The following ARL9 variants were observed in gnomAD, a reference collection of about 807,000 sequenced individuals.
The protein encoded by ARL9 is ADP-ribosylation factor-like protein 9.
In ARL9, 14 loss-of-function variants were observed where a neutral mutation model predicts 27.0. That is an observed-to-expected ratio of 0.52 (90% CI 0.34 to 0.81). The LOEUF is 0.81. ARL9 is among the 30% of genes least tolerant of loss of function. ARL9 has a pLI of 0.01. For synonymous variants in ARL9, 106 were observed against 108.7 expected, an observed-to-expected ratio of 0.98 and a Z score of 0.15; for missense variants, 294 against 290.0, an observed-to-expected ratio of 1.01 and a Z score of -0.10.
At chr4:56,516,567 G>C (rs561775557) in intron 2 of ARL9, among the ~76,000 whole-genome samples, 54 of 127,382 alleles carry the variant, frequency 4.2e-4, no homozygotes, top group Middle Eastern at 9.9e-3. Flanking sequence ...TGATCAGTAA[G>C]TAGAATTCAA....
At chr4:56,506,832 GTT>G (rs1553949221) in intron 1 of ARL9, among the ~76,000 whole-genome samples, 3 of 142,920 alleles carry the variant, frequency 2.1e-5, no homozygotes, top group Admixed American at 7.1e-5. Flanking sequence ...GTGTGTGTGT[GTT>G]CTTTTTTGAG....
chr4:56,519,450 A>G (rs1335420895), intron 3 of ARL9, among the ~76,000 whole-genome samples: 1 of 152,118 alleles, frequency 6.6e-6, no homozygotes, highest in Non-Finnish European at 1.5e-5. Context: ...TCTCTACTAA[A>G]ATACAAAAGA....
At chr4:56,516,024 TTGTCC>T (rs1435338661) in intron 2 of ARL9, among the ~76,000 whole-genome samples, 35 of 152,292 alleles carry the variant, frequency 2.3e-4, no homozygotes, top group Admixed American at 1.8e-3. Flanking sequence ...AAGGATGGAC[TTGTCC>T]TGTCAAGTAT....
chr4:56,511,790 C>T (rs780182560), intron 2 of ARL9, among the ~76,000 whole-genome samples: 1 of 152,164 alleles, frequency 6.6e-6, no homozygotes, highest in African/African-American at 2.4e-5. Context: ...ATATTACTGT[C>T]TCCTGAAGTT....
intron 2 of ARL9, among the ~76,000 whole-genome samples, chr4:56,512,706 G>C (rs949788942): frequency 6.6e-6 from 1 of 151,720 alleles, no homozygotes; most frequent in African/African-American, 2.4e-5. Flanking sequence ...TGCTCAGCTA[G>C]TTATTTTGTA....
intron 2 of ARL9, among the ~76,000 whole-genome samples, chr4:56,512,007 C>G (rs1303138437): frequency 1.3e-5 from 2 of 152,172 alleles, no homozygotes; most frequent in East Asian, 3.9e-4. Flanking sequence ...TGGTTCCATA[C>G]TCATCAAGTT....
intron 1 of ARL9, 55 bp downstream of exon 1, chr4:56,506,196 G>A: frequency 7.3e-6 from 9 of 1,232,394 alleles, no homozygotes; most frequent in Non-Finnish European, 9.1e-6. Flanking sequence ...CGGCCGTTCA[G>A]ACCCCAGCGC....
chr4:56,511,844 C>T (rs75568280), intron 2 of ARL9, among the ~76,000 whole-genome samples: 4 of 152,338 alleles, frequency 2.6e-5, no homozygotes, highest in African/African-American at 9.6e-5. Context: ...CATCCATCCT[C>T]ATGGCATTAA....
intron 2 of ARL9, 92 bp downstream of exon 2, chr4:56,511,439 C>T (rs1366711135): frequency 7.6e-7 from 1 of 1,322,232 alleles, no homozygotes; most frequent in Admixed American, 2.3e-5. Flanking sequence ...CTTGTGAAAA[C>T]TAACACTGAA....
At position 56,517,665 on chromosome 4, in the gene ARL9, T is replaced by C. The variant is rs563555215; in HGVS notation, c.443-1013T>C. On this transcript the variant is annotated intron_variant, in intron 2 of 3. Coordinates refer to ENST00000640821, the MANE Select transcript of ARL9 (RefSeq NM_001363794.2). ...TTGGTCAGATTTGAACTGTGGGCCA[T>C]GGTTTGCCAATACTCCTCCTAGGAC... 3.9e-5 allele frequency among the ~76,000 whole-genome samples: 6 copies of C among 152,288 alleles called. No homozygotes were observed. The East Asian group carries it at 1.2e-3, about 29-fold the overall frequency.
At chr4:56,520,858 T>C (rs1374584996) in intron 3 of ARL9, among the ~76,000 whole-genome samples, 3 of 152,118 alleles carry the variant, frequency 2.0e-5, no homozygotes, top group African/African-American at 7.2e-5. Context: ...AATAGGAGCC[T>C]ATGTTAAAGT....
intron 3 of ARL9, among the ~76,000 whole-genome samples, chr4:56,520,853 G>A (rs1560699861): frequency 6.6e-6 from 1 of 152,114 alleles, no homozygotes; most frequent in Non-Finnish European, 1.5e-5. Context: ...CCTAAAATAG[G>A]AGCCTATGTT....
At chr4:56,508,970 T>A (rs116630885) in intron 1 of ARL9, among the ~76,000 whole-genome samples, 2,583 of 152,294 alleles carry the variant, frequency 0.017, 29 homozygotes, top group Non-Finnish European at 0.028. Context: ...TTTTTGTGCA[T>A]AAGAAACTTC....
chr4:56,510,411 G>C (rs1721604116), intron 1 of ARL9, among the ~76,000 whole-genome samples: 1 of 150,962 alleles, frequency 6.6e-6, no homozygotes. Flanking sequence ...TTACAATCTA[G>C]TTATTCAATT....
Position 56,523,790 on chromosome 4 carries a change from T to C in ARL9, c.712T>C (p.Tyr238His), listed in dbSNP as rs1722000189. 3 of 1,613,860 alleles carry C rather than the reference T, an allele frequency of 1.9e-6. No individual in the cohort carries two copies. The highest frequency in any genetic ancestry group is 2.5e-6 in the Non-Finnish European group (3 of 1,179,850). ...NDRKMFLFGT[Y>H]LTKNGSEIPS... ...CAGGAAGATGTTCTTGTTTGGAACC[T>C]ACCTGACTAAGAATGGCTCAGAGAT... The change falls in exon 4 of 4, where the codon TAC (tyrosine) becomes CAC (histidine). Residue 238 changes from tyrosine to histidine, a missense_variant. By Grantham distance (83) the Tyr-to-His change is moderately conservative. Coordinates refer to ENST00000640821, the MANE Select transcript of ARL9 (RefSeq NM_001363794.2).
chr4:56,515,063 GC>G, intron 2 of ARL9, among the ~76,000 whole-genome samples: 1 of 152,076 alleles, frequency 6.6e-6, no homozygotes, highest in South Asian at 2.1e-4. Context: ...GATCAACCTG[GC>G]CCAACATGGT....
At chr4:56,505,323 A>C, upstream of ARL9, 1 of 452,050 alleles carries the variant, frequency 2.2e-6, no homozygotes, top group South Asian at 1.6e-5. Context: ...TGACATGAGC[A>C]GTACAGGCTC....
intron 1 of ARL9, 98 bp from the exon 2 acceptor site, chr4:56,511,087 C>G: frequency 8.0e-7 from 1 of 1,243,670 alleles, no homozygotes; most frequent in Non-Finnish European, 1.1e-6. Context: ...GAGTTTTATT[C>G]TGGTTACAGT....
chr4:56,522,795 C>T (rs768260726), intron 3 of ARL9, among the ~76,000 whole-genome samples: 1 of 152,130 alleles, frequency 6.6e-6, no homozygotes, highest in Admixed American at 6.5e-5. Context: ...CTCTTCCAAG[C>T]CTCCCCCATC....
Sources: allele counts gnomAD v4.1 joint callset (sites outside exome capture counted in the v4.1 genomes callset), GRCh38; gene constraint gnomAD v4.1.1; transcripts MANE v1.5; gene names NCBI Gene and HGNC (gene_info 2026-07-23, HGNC 2026-07-21).